Variants in SRGAP3 observed in about 807,000 individuals in gnomAD.
SRGAP3 encodes the protein SLIT-ROBO Rho GTPase activating protein 3.
SRGAP3 carries 39 observed loss-of-function variants against 121.1 expected under a neutral mutation model. The ratio of observed to expected loss-of-function variants is 0.32; its 90% CI spans 0.25 to 0.42. The LOEUF (loss-of-function observed/expected upper bound fraction) is 0.42, where lower values mean the gene tolerates loss of function less well. Ranked by LOEUF, SRGAP3 falls within the 10% of genes least tolerant of loss-of-function variation. The probability of loss-of-function intolerance (pLI) is 1.00; values close to 1 mark genes in which losing one functional copy is unlikely to be tolerated. For synonymous variants in SRGAP3, 601 were observed against 570.0 expected (o/e 1.05, Z -0.77); for missense variants, 1,213 against 1,470.6 (o/e 0.82, Z 2.86).
Position 8,981,145 on chromosome 3 carries a change from C to T in SRGAP3, c.*4374G>A. 1 of 233,156 alleles carries T rather than the reference C, an allele frequency of 4.3e-6. No homozygotes were observed. The allele number at this position is 233,156 out of a possible 1,614,324, so 14.4% of individuals were successfully genotyped here. A position where few individuals can be genotyped will look rare whatever the true frequency, so the allele number is the denominator to read the frequency against. On this transcript the variant is annotated 3_prime_UTR_variant, in exon 22 of 22. Coordinates refer to ENST00000383836, the MANE Select transcript of SRGAP3 (RefSeq NM_014850.4). ...GGTCAGGAGGGCTTGGACCTGACAGCAAAGTCCCTTCTCTCGGCTCCCCTG... is the reference window on the plus strand; with the variant it reads ...GGTCAGGAGGGCTTGGACCTGACAGTAAAGTCCCTTCTCTCGGCTCCCCTG...
chr3:9,234,709 G>A (rs1953342402), intron 1 of SRGAP3, among the ~76,000 whole-genome samples: 1 of 152,160 alleles, frequency 6.6e-6, no homozygotes, highest in South Asian at 2.1e-4. Context: ...GGAAGCAAGG[G>A]GATGGCAGGC....
chr3:9,268,597 C>T (rs1954414378), intron 3 of SRGAP3, among the ~76,000 whole-genome samples: 1 of 151,854 alleles, frequency 6.6e-6, no homozygotes, highest in Non-Finnish European at 1.5e-5. Flanking sequence ...CCAGCCAACA[C>T]ATCAAAAGCA....
At chr3:9,066,989 C>T (rs1308450452) in intron 4 of SRGAP3, among the ~76,000 whole-genome samples, 1 of 152,230 alleles carries the variant, frequency 6.6e-6, no homozygotes, top group African/African-American at 2.4e-5. Context: ...CACAACCTCT[C>T]TGACCTCTGC....
intron 11 of SRGAP3, chr3:9,035,995 T>C (rs1944725171): frequency 6.6e-6 from 1 of 152,232 alleles, no homozygotes; most frequent in Non-Finnish European, 1.5e-5. Context: ...CAGACATTCA[T>C]TTGAATCACA....
At chr3:9,104,424 C>CCTACAATGAATATGTA (rs1370518653) in intron 3 of SRGAP3, among the ~76,000 whole-genome samples, 3 of 152,198 alleles carry the variant, frequency 2.0e-5, no homozygotes, top group Non-Finnish European at 4.4e-5. Context: ...GTACTACTTA[C>CCTACAATGAATATGTA]CTAGCCATGC....
At chr3:9,134,479 A>G (rs1949570675) in intron 1 of SRGAP3, among the ~76,000 whole-genome samples, 1 of 152,066 alleles carries the variant, frequency 6.6e-6, no homozygotes, top group Non-Finnish European at 1.5e-5. Context: ...ATCACATCTG[A>G]TTATCATGAC....
intron 3 of SRGAP3, among the ~76,000 whole-genome samples, chr3:9,286,496 AT>A (rs1000343421): frequency 1.3e-5 from 2 of 151,306 alleles, no homozygotes; most frequent in East Asian, 1.9e-4. Flanking sequence ...CCCCATCTCT[AT>A]TTTTTTTTAA....
In SRGAP3 at chr3:9,141,551, GGGGTGTGTGTGTGT is replaced by G. The variant is rs1320218637; in HGVS notation, c.68-16648_68-16635del. ...AAGAAACAAGAAGGATCTGACTTCA[GGGGTGTGTGTGTGT>G]GTGTGTGTGTGTGTGTGTGTGTGTG... On this transcript the variant is annotated intron_variant, in intron 1 of 21. Coordinates refer to ENST00000383836, the MANE Select transcript of SRGAP3 (RefSeq NM_014850.4). Among the ~76,000 whole-genome samples, 206 of 117,626 alleles carry G rather than the reference GGGGTGTGTGTGTGT, an allele frequency of 1.8e-3. 1 individual carries two copies. Among genetic ancestry groups the G allele is most frequent in the African/African-American group, 8.1e-3 (199 of 24,694 alleles). The allele number at this position is 117,626 out of a possible 152,430, so 77.2% of individuals were successfully genotyped here.
intron 3 of SRGAP3, among the ~76,000 whole-genome samples, chr3:9,086,875 A>C (rs891668673): frequency 6.6e-6 from 1 of 150,786 alleles, no homozygotes; most frequent in Admixed American, 6.6e-5. Flanking sequence ...ATTATGGACA[A>C]GGCTAGGAAG....
intron 9 of SRGAP3, among the ~76,000 whole-genome samples, chr3:9,051,767 C>T (rs561771290): frequency 2.3e-5 from 3 of 132,024 alleles, no homozygotes; most frequent in Non-Finnish European, 4.6e-5. Flanking sequence ...AGGCTGGAGG[C>T]AGTGGCACGA....
chr3:9,101,086 T>C (rs1352948336), intron 3 of SRGAP3, among the ~76,000 whole-genome samples: 2 of 152,214 alleles, frequency 1.3e-5, no homozygotes, highest in Non-Finnish European at 2.9e-5. Flanking sequence ...CACTACAAGA[T>C]TCCATTTCGG....
intron 11 of SRGAP3, 196 bp downstream of exon 11, chr3:9,037,867 G>A (rs186451475): frequency 2.1e-4 from 145 of 693,462 alleles, no homozygotes; most frequent in Non-Finnish European, 3.1e-4. Flanking sequence ...GCCTGGAGGG[G>A]CGTGGCTTTG....
chr3:9,324,518 C>T (rs1384764814), intron 3 of SRGAP3, among the ~76,000 whole-genome samples: 1 of 151,852 alleles, frequency 6.6e-6, no homozygotes, highest in Non-Finnish European at 1.5e-5. Context: ...CTGATCTGTT[C>T]TAGGATCTAT....
At chr3:9,230,402 C>T (rs1454633061) in intron 1 of SRGAP3, among the ~76,000 whole-genome samples, 2 of 152,190 alleles carry the variant, frequency 1.3e-5, no homozygotes, top group African/African-American at 4.8e-5. Flanking sequence ...CATCCTCATC[C>T]AGGTAATTAA....
intron 1 of SRGAP3, among the ~76,000 whole-genome samples, chr3:9,200,098 G>T (rs1206239193): frequency 6.6e-6 from 1 of 152,192 alleles, no homozygotes; most frequent in Non-Finnish European, 1.5e-5. Context: ...GCAAGGCATC[G>T]CCTGTGTGCT....
At chr3:9,062,895 T>C (rs1946242213) in intron 5 of SRGAP3, among the ~76,000 whole-genome samples, 2 of 152,200 alleles carry the variant, frequency 1.3e-5, no homozygotes, top group Middle Eastern at 3.2e-3. Flanking sequence ...AGGAATAAAA[T>C]TGTTGAGTCA....
At chr3:9,034,367 T>C (rs1362999711) in intron 11 of SRGAP3, 3 of 152,250 alleles carry the variant, frequency 2.0e-5, no homozygotes, top group Non-Finnish European at 4.4e-5. Flanking sequence ...TCTTGATTGA[T>C]TTCTGTGAGC....
chr3:9,318,894 G>A (rs1377408230), intron 3 of SRGAP3, among the ~76,000 whole-genome samples: 1 of 151,116 alleles, frequency 6.6e-6, no homozygotes, highest in Non-Finnish European at 1.5e-5. Context: ...AAAAAAGAAA[G>A]AAAAGAAAAG....
rs769112650 is a variant in SRGAP3 at position 9,013,801 on chromosome 3, T to C, written c.1855A>G (p.Ile619Val). The change falls in exon 16 of 22, where the codon ATC becomes GTC. Residue 619 changes from isoleucine (I) to valine (V), a missense_variant. By Grantham distance (29) the Ile-to-Val change is conservative. This residue lies in a region of SRGAP3 where 793 missense variants were observed against 1,032.9 expected (regional missense o/e 0.77). Coordinates refer to ENST00000383836, the MANE Select transcript of SRGAP3 (RefSeq NM_014850.4). ...ACCACGCGGGGAAGGGTGACGAGGA[T>C]TTGTTGGATCTGGTGCACCCTCTCG... ...PAERVHQIQQ[I>V]LVTLPRVVIV... is the part of the protein sequence containing the mutation. 2 of 1,614,050 alleles carry C rather than the reference T, an allele frequency of 1.2e-6. No homozygotes were observed. The highest frequency in any genetic ancestry group is 1.3e-5 in the African/African-American group (1 of 74,910).
Sources: allele counts gnomAD v4.1 joint callset (sites outside exome capture counted in the v4.1 genomes callset), GRCh38; gene constraint gnomAD v4.1.1; regional missense constraint gnomAD v4.1.1; transcripts MANE v1.5; gene names NCBI Gene and HGNC (gene_info 2026-07-23, HGNC 2026-07-21).